The following MEGF10 variants were observed in gnomAD, a reference collection of about 807,000 sequenced individuals.
MEGF10 encodes the protein multiple EGF like domains 10.
In MEGF10, 86 loss-of-function variants were observed where a neutral mutation model predicts 147.5. That is an observed-to-expected ratio of 0.58 (90% CI 0.49 to 0.70). MEGF10 has a LOEUF of 0.70. Ranked by LOEUF, MEGF10 falls within the 30% of genes least tolerant of loss-of-function variation. The pLI, the probability that MEGF10 is intolerant of heterozygous loss-of-function variation, is 0.00. For synonymous variants in MEGF10, 478 were observed against 525.5 expected, an observed-to-expected ratio of 0.91 and a Z score of 1.24; for missense variants, 1,329 against 1,487.3, an observed-to-expected ratio of 0.89 and a Z score of 1.75.
chr5:127,446,975 T>C (rs1175083338), intron 20 of MEGF10, among the ~76,000 whole-genome samples: 1 of 152,044 alleles, frequency 6.6e-6, no homozygotes, highest in African/African-American at 2.4e-5. Flanking sequence ...AATTTAGGCC[T>C]AGGCAGCCAC....
At chr5:127,345,921 C>T (rs1761868298) in intron 4 of MEGF10, among the ~76,000 whole-genome samples, 1 of 152,144 alleles carries the variant, frequency 6.6e-6, no homozygotes, top group Non-Finnish European at 1.5e-5. Context: ...GGCTTAGCTC[C>T]TACTTAATAA....
At chr5:127,280,817 C>T in the MEGF10 span, among the ~76,000 whole-genome samples, 1 of 152,188 alleles carries the variant, frequency 6.6e-6, no homozygotes, top group Non-Finnish European at 1.5e-5. Flanking sequence ...CTTATAGCAA[C>T]GCTGCTTATG....
At chr5:127,417,180 A>G (rs1181446464) in intron 9 of MEGF10, among the ~76,000 whole-genome samples, 1 of 152,204 alleles carries the variant, frequency 6.6e-6, no homozygotes, top group African/African-American at 2.4e-5. Flanking sequence ...CTGCTGTTTC[A>G]GGTGGAGACA....
intron 1 of MEGF10, among the ~76,000 whole-genome samples, chr5:127,326,688 C>T (rs573064206): frequency 1.3e-5 from 2 of 152,244 alleles, no homozygotes; most frequent in African/African-American, 4.8e-5. Context: ...ATAGATAACA[C>T]GATGGAGTGG....
At chr5:127,434,285 C>T (rs557215249) in intron 14 of MEGF10, among the ~76,000 whole-genome samples, 8 of 152,048 alleles carry the variant, frequency 5.3e-5, no homozygotes, top group East Asian at 1.9e-4. Flanking sequence ...TTGCCAGAAA[C>T]GACTCTTAAA....
chr5:127,283,838 T>C, the MEGF10 span, among the ~76,000 whole-genome samples: 1 of 152,242 alleles, frequency 6.6e-6, no homozygotes, highest in Non-Finnish European at 1.5e-5. Context: ...CTTACAAAGA[T>C]AAGAATTTGT....
rs1174955274 is a variant in MEGF10, at chr5:127,303,335, C to CAAAAAAAAA, written c.-19+12291_-19+12299dup. ...TGGACAACAGATCGAGACTCCATGTCAAAAAAAAAAAAAAAAAAAAGCAAT... is the reference window on the plus strand; with the variant it reads ...TGGACAACAGATCGAGACTCCATGTCAAAAAAAAAAAAAAAAAAAAAAAAAAAAAGCAAT... On this transcript the variant is annotated intron_variant, in intron 1 of 24. Coordinates refer to ENST00000503335, the MANE Select transcript of MEGF10 (RefSeq NM_001256545.2). Among the ~76,000 whole-genome samples, 6 of 50,628 alleles carry CAAAAAAAAA rather than the reference C, an allele frequency of 1.2e-4. 2 individuals carry two copies. Among genetic ancestry groups the CAAAAAAAAA allele is most frequent in the Admixed American group, 2.2e-4 (1 of 4,450 alleles). 33.2% of individuals were successfully genotyped at this position (50,628 alleles called of 152,430 possible). A position where few individuals can be genotyped will look rare whatever the true frequency, so the allele number is the denominator to read the frequency against.
chr5:127,331,644 T>A (rs1220004539), intron 2 of MEGF10, among the ~76,000 whole-genome samples: 1 of 152,196 alleles, frequency 6.6e-6, no homozygotes, highest in Non-Finnish European at 1.5e-5. Context: ...CTAATTCTAA[T>A]GCAGGTGCAA....
chr5:127,391,146 A>G (rs1195495765), intron 5 of MEGF10, among the ~76,000 whole-genome samples: 1 of 64,608 alleles, frequency 1.5e-5, no homozygotes, highest in Non-Finnish European at 4.1e-5. Flanking sequence ...ACACACACAC[A>G]CACACACATA....
chr5:127,291,746 C>G (rs941029387), intron 1 of MEGF10, among the ~76,000 whole-genome samples: 5 of 152,134 alleles, frequency 3.3e-5, no homozygotes, highest in Non-Finnish European at 2.9e-5. Context: ...AGGACTTTTA[C>G]GCCTGGTTTA....
chr5:127,366,171 G>A (rs979713151), intron 4 of MEGF10, among the ~76,000 whole-genome samples: 4 of 152,090 alleles, frequency 2.6e-5, no homozygotes, highest in African/African-American at 7.2e-5. Context: ...TGGTGTGGGC[G>A]TCTGTGTCAT....
At chr5:127,370,937 C>G (rs1286218998) in intron 5 of MEGF10, among the ~76,000 whole-genome samples, 2 of 152,190 alleles carry the variant, frequency 1.3e-5, no homozygotes, top group East Asian at 1.9e-4. Context: ...ACACATTTCT[C>G]TTCGTTGCCA....
At chr5:127,338,059 G>A (rs963016043) in intron 2 of MEGF10, among the ~76,000 whole-genome samples, 1 of 152,074 alleles carries the variant, frequency 6.6e-6, no homozygotes, top group African/African-American at 2.4e-5. Context: ...AAAACCCATT[G>A]TTTGTGAGGC....
At chr5:127,244,284 A>G in the MEGF10 span, among the ~76,000 whole-genome samples, 1 of 151,682 alleles carries the variant, frequency 6.6e-6, no homozygotes, top group Non-Finnish European at 1.5e-5. Context: ...GAGGCAGGAA[A>G]GATGAAAGCA....
rs762474220 is a variant in MEGF10, at chr5:127,396,568, G to A, written c.449G>A (p.Ser150Asn). ...GATCACTGGGGTCCCCACTGCACCA[G>A]CCGGTGCCAGTGCAAAAATGGGGCT... The part of the protein sequence containing the change: ...DGDHWGPHCT[S>N]RCQCKNGALC... Residue 150 changes from serine to asparagine, a missense_variant, in exon 6 of 25, where the codon AGC becomes AAC. Coordinates refer to ENST00000503335, the MANE Select transcript of MEGF10 (RefSeq NM_001256545.2). The A allele has an allele frequency of 3.8e-6, 6 of 1,592,716 alleles. No homozygotes were observed. The South Asian group carries it at 5.7e-5, about 15-fold the overall frequency.
At chr5:127,338,294 C>T (rs902544766) in intron 2 of MEGF10, among the ~76,000 whole-genome samples, 4 of 152,058 alleles carry the variant, frequency 2.6e-5, no homozygotes, top group African/African-American at 7.2e-5. Flanking sequence ...AGATTATCCA[C>T]GTTTTCTTAT....
intron 4 of MEGF10, among the ~76,000 whole-genome samples, chr5:127,369,644 T>A (rs1449901435): frequency 6.6e-6 from 1 of 152,192 alleles, no homozygotes; most frequent in Non-Finnish European, 1.5e-5. Flanking sequence ...ATTAGGCAAT[T>A]TTCCTTGAAA....
intron 5 of MEGF10, among the ~76,000 whole-genome samples, chr5:127,380,493 G>A (rs1763209031): frequency 1.3e-5 from 2 of 151,790 alleles, no homozygotes; most frequent in Non-Finnish European, 2.9e-5. Context: ...TATGTGCAGT[G>A]TAGACACATT....
intron 4 of MEGF10, among the ~76,000 whole-genome samples, chr5:127,349,495 C>T (rs1297667907): frequency 6.6e-6 from 1 of 152,108 alleles, no homozygotes; most frequent in Non-Finnish European, 1.5e-5. Context: ...TAAACACTAA[C>T]TACCCCTACC....
Sources: allele counts gnomAD v4.1 joint callset (sites outside exome capture counted in the v4.1 genomes callset), GRCh38; gene constraint gnomAD v4.1.1; transcripts MANE v1.5; gene names NCBI Gene and HGNC (gene_info 2026-07-23, HGNC 2026-07-21).